The following COL24A1 variants were observed in gnomAD, a reference collection of about 807,000 sequenced individuals.
The protein encoded by COL24A1 is collagen alpha-1(XXIV) chain.
COL24A1 carries 224 observed loss-of-function variants against 253.9 expected under a neutral mutation model. The observed-to-expected ratio is 0.88, with a 90% CI of 0.79 to 0.99. COL24A1 has a LOEUF of 0.99. Ranked by LOEUF, COL24A1 falls within the 50% of genes least tolerant of loss-of-function variation. The pLI, the probability that COL24A1 is intolerant of heterozygous loss-of-function variation, is 0.00. For missense variants in COL24A1, 2,131 were observed against 2,068.5 expected (o/e 1.03, Z -0.59); for synonymous variants, 685 against 673.7 (o/e 1.02, Z -0.26).
chr1:85,803,712 A>G (rs1671676207), intron 47 of COL24A1, among the ~76,000 whole-genome samples: 1 of 152,148 alleles, frequency 6.6e-6, no homozygotes, highest in Non-Finnish European at 1.5e-5. Context: ...TTAATTTTGT[A>G]TATTAATCTT....
In COL24A1 at chr1:85,907,261, A is replaced by G. The variant is rs1558609644; in HGVS notation, c.2725-14T>C. 1.2e-6 allele frequency: 2 copies of G among 1,606,688 alleles called. No homozygotes were observed. Among genetic ancestry groups the G allele is most frequent in the Non-Finnish European group, 1.7e-6 (2 of 1,174,338 alleles). On this transcript the variant is annotated splice_polypyrimidine_tract_variant and intron_variant, in intron 27 of 59. Transcript: ENST00000370571. ...CCCCACATGACCCTATATGTTGTAA[A>G]TTTAAAGTCAGTTGTAGAATTTACA...
intron 45 of COL24A1, among the ~76,000 whole-genome samples, chr1:85,822,094 T>C (rs967269676): frequency 2.6e-5 from 4 of 152,188 alleles, no homozygotes; most frequent in African/African-American, 9.6e-5. Flanking sequence ...AACTATCTTC[T>C]TTCTCTGCTT....
At chr1:86,037,936 C>T (rs909766507) in intron 12 of COL24A1, among the ~76,000 whole-genome samples, 6 of 152,000 alleles carry the variant, frequency 3.9e-5, no homozygotes, top group African/African-American at 1.4e-4. Flanking sequence ...CTGCTGTCTA[C>T]TTTCTATTAC....
rs186270398 is a variant in COL24A1, at chr1:86,012,995, C to A, written c.2310+4156G>T. On this transcript the variant is annotated intron_variant, in intron 19 of 59. Coordinates refer to ENST00000370571, the MANE Select transcript of COL24A1 (RefSeq NM_152890.7). ...GGCAGCTAATACATACTGAACATTT[C>A]CTATTAACTACATGCTGAAGTGTTT... 2.6e-5 allele frequency among the ~76,000 whole-genome samples: 4 copies of A among 152,190 alleles called. No homozygotes were observed. The South Asian group carries it at 8.3e-4, about 32-fold the overall frequency.
intron 19 of COL24A1, among the ~76,000 whole-genome samples, chr1:85,999,923 T>C (rs1176594985): frequency 1.3e-5 from 2 of 152,174 alleles, no homozygotes; most frequent in Admixed American, 6.5e-5. Context: ...GCCTCTGACA[T>C]AGCTTGAAAT....
intron 24 of COL24A1, among the ~76,000 whole-genome samples, chr1:85,945,165 G>T (rs1414472614): frequency 4.0e-5 from 6 of 150,826 alleles, no homozygotes; most frequent in African/African-American, 1.5e-4. Context: ...CTACAGGTGT[G>T]TGCCACCATG....
chr1:85,886,413 C>T (rs2102708829), intron 32 of COL24A1, among the ~76,000 whole-genome samples: 1 of 151,660 alleles, frequency 6.6e-6, no homozygotes, highest in African/African-American at 2.4e-5. Context: ...CACCTGTAAT[C>T]CCAGCACTTT....
intron 2 of COL24A1, among the ~76,000 whole-genome samples, chr1:86,144,461 G>A (rs1006939609): frequency 5.3e-5 from 8 of 152,170 alleles, no homozygotes; most frequent in South Asian, 2.1e-4. Context: ...CTTCAGAGAC[G>A]GACAGACCTA....
intron 57 of COL24A1, among the ~76,000 whole-genome samples, chr1:85,744,041 T>C (rs1664937529): frequency 2.0e-5 from 3 of 152,278 alleles, no homozygotes; most frequent in South Asian, 4.1e-4. Context: ...TTTTCAAACA[T>C]GTCATTGTGT....
intron 24 of COL24A1, among the ~76,000 whole-genome samples, chr1:85,958,952 A>C (rs1176887351): frequency 2.6e-5 from 4 of 152,160 alleles, no homozygotes; most frequent in African/African-American, 9.6e-5. Flanking sequence ...TGTGCTTCAC[A>C]CACTCTATCA....
At chr1:85,907,079 T>C in intron 28 of COL24A1, 115 bp downstream of exon 28, 6 of 723,566 alleles carry the variant, frequency 8.3e-6, no homozygotes, top group Non-Finnish European at 1.4e-5. Flanking sequence ...AGAAAAAACC[T>C]GACAAGATCT....
At chr1:85,914,304 ATGTGTGTGTGTG>A (rs71078628) in intron 24 of COL24A1, among the ~76,000 whole-genome samples, 24 of 139,262 alleles carry the variant, frequency 1.7e-4, no homozygotes, top group East Asian at 1.5e-3. Flanking sequence ...TTTGTCATGA[ATGTGTGTGTGTG>A]TGTGTGTGTG....
At chr1:86,019,563 A>AT (rs5775880) in intron 18 of COL24A1, among the ~76,000 whole-genome samples, 14 of 150,862 alleles carry the variant, frequency 9.3e-5, no homozygotes, top group South Asian at 6.3e-4. Context: ...GTCTCTAAAA[A>AT]TTTTTTTTTT....
upstream of COL24A1, chr1:86,156,943 C>T (rs993241432): frequency 6.6e-6 from 1 of 152,346 alleles, no homozygotes; most frequent in African/African-American, 2.4e-5. Flanking sequence ...ACTGCAGGCG[C>T]TCGGCGTTGA....
chr1:85,979,196 A>G (rs1692996018), intron 20 of COL24A1, among the ~76,000 whole-genome samples: 1 of 152,218 alleles, frequency 6.6e-6, no homozygotes, highest in Non-Finnish European at 1.5e-5. Context: ...AAGCAGTAGC[A>G]AGAGGAAAGT....
At chr1:85,989,381 C>T (rs934269684) in intron 19 of COL24A1, among the ~76,000 whole-genome samples, 4 of 151,774 alleles carry the variant, frequency 2.6e-5, no homozygotes, top group South Asian at 2.1e-4. Context: ...ACCACCACCA[C>T]GACCATCTTC....
rs141582876 is a variant in COL24A1, at chr1:86,081,805, C to T, written c.1707+7369G>A. On this transcript the variant is annotated intron_variant, in intron 7 of 59. Coordinates refer to ENST00000370571, the MANE Select transcript of COL24A1 (RefSeq NM_152890.7). ...ATGAATTGTGTTGTTCGGGAACTGA[C>T]GCTATGTAATTAAATTGTGGTAACC... is the stretch of plus-strand genomic sequence containing the variant. Among the ~76,000 whole-genome samples the T allele has an allele frequency of 2.5e-3, 387 of 152,182 alleles. 1 individual carries two copies. The highest frequency in any genetic ancestry group is 8.9e-3 in the African/African-American group (370 of 41,504).
Position 85,971,337 on chromosome 1 carries a change from T to C in COL24A1, c.2418+3A>G, listed in dbSNP as rs1692147211. 6 of 1,611,544 alleles carry C rather than the reference T, an allele frequency of 3.7e-6. No homozygotes were observed. The African/African-American group carries it at 4.0e-5, about 11-fold the overall frequency. Reference sequence around the variant, plus strand: ...AGCTGACTGGATATCACTTCTTCCATACCTGAGTTCCTTTGAGACCAGGAG... The same window carrying C: ...AGCTGACTGGATATCACTTCTTCCACACCTGAGTTCCTTTGAGACCAGGAG... On this transcript the variant is annotated splice_donor_region_variant and intron_variant, in intron 21 of 59. Coordinates refer to ENST00000370571, the MANE Select transcript of COL24A1 (RefSeq NM_152890.7).
chr1:86,125,931 T>C lies in COL24A1; in HGVS notation c.405A>G (p.Val135=), dbSNP rs1186724727. 2 of 1,613,404 alleles carry C rather than the reference T, an allele frequency of 1.2e-6. No individual in the cohort carries two copies. Among genetic ancestry groups the C allele is most frequent in the Admixed American group, 3.3e-5 (2 of 59,820 alleles). ...CTACTAATTTTTTAGGTAGTAATTG[T>C]ACTCCTAATTGCAGTCTATTTTTAT... ...IRNKNRLQLG[V]QLLPKKLVVH... The change falls in exon 3 of 60, where the codon GTA becomes GTG. Residue 135 remains valine, a synonymous_variant. Coordinates refer to ENST00000370571, the MANE Select transcript of COL24A1 (RefSeq NM_152890.7).
Sources: allele counts gnomAD v4.1 joint callset (sites outside exome capture counted in the v4.1 genomes callset), GRCh38; gene constraint gnomAD v4.1.1; transcripts MANE v1.5; gene names NCBI Gene and HGNC (gene_info 2026-07-23, HGNC 2026-07-21).